Variants in HYCC2 observed in about 807,000 individuals in gnomAD.
The protein encoded by HYCC2 is hyccin 2.
the HYCC2 span, among the ~76,000 whole-genome samples, chr2:201,000,706 T>C: frequency 0.011 from 1,701 of 152,306 alleles, 40 homozygotes; most frequent in African/African-American, 0.039. Flanking sequence ...CTAGCAATTC[T>C]ATTCCTAGGT....
chr2:200,987,757 G>A, the HYCC2 span, among the ~76,000 whole-genome samples: 1 of 152,136 alleles, frequency 6.6e-6, no homozygotes, highest in Non-Finnish European at 1.5e-5. Context: ...CATTAAAATG[G>A]CAATATCTCT....
At chr2:201,027,532 C>T in the HYCC2 span, among the ~76,000 whole-genome samples, 13 of 152,198 alleles carry the variant, frequency 8.5e-5, no homozygotes, top group South Asian at 2.1e-4. Context: ...TTTAGACCAA[C>T]ATCCCTGATG....
the HYCC2 span, among the ~76,000 whole-genome samples, chr2:201,043,198 G>C: frequency 1.3e-5 from 2 of 152,148 alleles, no homozygotes; most frequent in African/African-American, 4.8e-5. Context: ...GGCGGTGCAA[G>C]TTGTGCTTTG....
the HYCC2 span, chr2:201,045,564 C>G: frequency 2.5e-6 from 1 of 398,100 alleles, no homozygotes; most frequent in Non-Finnish European, 4.4e-6. Context: ...GTGGGGAATT[C>G]ATTTGTTAAG....
chr2:201,008,445 T>C, the HYCC2 span, among the ~76,000 whole-genome samples: 1 of 152,188 alleles, frequency 6.6e-6, no homozygotes, highest in Non-Finnish European at 1.5e-5. Context: ...GAAGTAATTA[T>C]AGTTAACTAC....
the HYCC2 span, chr2:200,976,207 T>G: frequency 2.4e-3 from 363 of 152,300 alleles, 1 homozygote; most frequent in African/African-American, 8.0e-3. Flanking sequence ...AGTCTCATGT[T>G]CAGACTGTTT....
the HYCC2 span, among the ~76,000 whole-genome samples, chr2:201,059,812 G>A: frequency 5.9e-5 from 9 of 152,168 alleles, no homozygotes; most frequent in African/African-American, 1.9e-4. Context: ...TTGGGAGGCC[G>A]AGGCGGGTGG....
chr2:200,990,710 T>C, the HYCC2 span, among the ~76,000 whole-genome samples: 1 of 152,214 alleles, frequency 6.6e-6, no homozygotes, highest in Non-Finnish European at 1.5e-5. Flanking sequence ...TAGCTGGGAT[T>C]ACAGGCGCCC....
chr2:201,061,857 GCA>G, the HYCC2 span, among the ~76,000 whole-genome samples: 1 of 152,144 alleles, frequency 6.6e-6, no homozygotes, highest in African/African-American at 2.4e-5. Context: ...TGTAATCACA[GCA>G]CTTTGGGAGG....
chr2:201,032,649 T>C, the HYCC2 span, among the ~76,000 whole-genome samples: 95 of 152,334 alleles, frequency 6.2e-4, no homozygotes, highest in South Asian at 1.7e-3. Context: ...AACTAGTTAT[T>C]GTTACACAAA....
chr2:201,016,026 A>G, the HYCC2 span, among the ~76,000 whole-genome samples: 1 of 152,344 alleles, frequency 6.6e-6, no homozygotes, highest in South Asian at 2.1e-4. Context: ...CTTTTCGAAC[A>G]CAGCAGGAGT....
the HYCC2 span, among the ~76,000 whole-genome samples, chr2:201,031,379 CA>C: frequency 2.0e-5 from 3 of 152,164 alleles, no homozygotes; most frequent in African/African-American, 7.2e-5. Context: ...CGGCCGGGCA[CA>C]GTGGCTCATG....
At chr2:201,000,360 G>T in the HYCC2 span, among the ~76,000 whole-genome samples, 1 of 152,072 alleles carries the variant, frequency 6.6e-6, no homozygotes, top group Non-Finnish European at 1.5e-5. Flanking sequence ...CTGCACACCA[G>T]CCTGGGCAAC....
chr2:201,011,080 G>A, the HYCC2 span, among the ~76,000 whole-genome samples: 1 of 152,204 alleles, frequency 6.6e-6, no homozygotes, highest in South Asian at 2.1e-4. Context: ...AGGAGGCAGA[G>A]GTTGCAGTGA....
At chr2:200,990,999 C>T in the HYCC2 span, among the ~76,000 whole-genome samples, 2 of 152,244 alleles carry the variant, frequency 1.3e-5, no homozygotes, top group Admixed American at 6.5e-5. Context: ...TGAGCCACTG[C>T]ACCCAGCCTT....
At chr2:200,994,686 C>T in the HYCC2 span, among the ~76,000 whole-genome samples, 1 of 151,972 alleles carries the variant, frequency 6.6e-6, no homozygotes, top group African/African-American at 2.4e-5. Flanking sequence ...CACTAAACTC[C>T]GCCATCATTT....
chr2:201,025,606 G>A, the HYCC2 span, among the ~76,000 whole-genome samples: 3 of 152,178 alleles, frequency 2.0e-5, no homozygotes, highest in Admixed American at 6.5e-5. Flanking sequence ...GGAGTAGAAA[G>A]AGAACATTCT....
At chr2:201,058,495 G>C in the HYCC2 span, among the ~76,000 whole-genome samples, 1 of 152,198 alleles carries the variant, frequency 6.6e-6, no homozygotes, top group Non-Finnish European at 1.5e-5. Flanking sequence ...TGGATCGCTT[G>C]AGGTCAGGAG....
At chr2:201,011,538 T>C in the HYCC2 span, 2 of 917,988 alleles carry the variant, frequency 2.2e-6, no homozygotes, top group Non-Finnish European at 3.2e-6. Context: ...ATAATTACTT[T>C]CTTAATTTAC....
Sources: allele counts gnomAD v4.1 joint callset (sites outside exome capture counted in the v4.1 genomes callset), GRCh38; gene constraint gnomAD v4.1.1; transcripts MANE v1.5; gene names NCBI Gene and HGNC (gene_info 2026-07-23, HGNC 2026-07-21).